Variants in ATF2 observed in about 807,000 individuals in gnomAD.
ATF2 encodes activating transcription factor 2.
Under a neutral mutation model 60.6 loss-of-function variants are expected in ATF2, and 24 were observed. The ratio of observed to expected loss-of-function variants is 0.40; its 90% CI spans 0.29 to 0.56. ATF2 has a LOEUF of 0.56. Ranked by LOEUF, ATF2 falls within the 20% of genes least tolerant of loss-of-function variation. The pLI is 0.54. For synonymous variants in ATF2, 206 were observed against 215.4 expected, an observed-to-expected ratio of 0.96 and a Z score of 0.38; for missense variants, 433 against 607.7, an observed-to-expected ratio of 0.71 and a Z score of 3.02.
At chr2:175,100,267 A>T (rs189785958) in intron 10 of ATF2, among the ~76,000 whole-genome samples, 9 of 152,360 alleles carry the variant, frequency 5.9e-5, no homozygotes, top group Admixed American at 1.3e-4. Flanking sequence ...ATGTAAAACT[A>T]TCTGACTCGT....
At chr2:175,113,687 T>C (rs1469854884) in intron 9 of ATF2, among the ~76,000 whole-genome samples, 2 of 152,086 alleles carry the variant, frequency 1.3e-5, no homozygotes, top group African/African-American at 4.8e-5. Flanking sequence ...ACAAGTATTC[T>C]AGTACAAATA....
chr2:175,090,549 A>G (rs1694477717), intron 12 of ATF2, among the ~76,000 whole-genome samples: 1 of 152,096 alleles, frequency 6.6e-6, no homozygotes. Context: ...TTGATAATAT[A>G]TCATTTTGGA....
intron 2 of ATF2, among the ~76,000 whole-genome samples, chr2:175,140,999 GAAAAAAAAA>G (rs869208203): frequency 0.1 from 2,790 of 26,778 alleles, 130 homozygotes; most frequent in Middle Eastern, 0.3. Flanking sequence ...CCTATCTCAG[GAAAAAAAAA>G]AAAAAAAAAA....
At chr2:175,155,158 C>G (rs914682049) in intron 1 of ATF2, among the ~76,000 whole-genome samples, 2 of 152,168 alleles carry the variant, frequency 1.3e-5, no homozygotes, top group Non-Finnish European at 2.9e-5. Flanking sequence ...TCTTCATCTT[C>G]CCTTTGTTTG....
chr2:175,121,269 T>C (rs571586606), intron 5 of ATF2, among the ~76,000 whole-genome samples, 175 bp downstream of exon 5: 4 of 151,790 alleles, frequency 2.6e-5, no homozygotes, highest in African/African-American at 4.8e-5. Flanking sequence ...AAAAATGAAA[T>C]GAATAGTCAG....
intron 5 of ATF2, among the ~76,000 whole-genome samples, chr2:175,120,476 A>G (rs1696879963): frequency 6.6e-6 from 1 of 151,706 alleles, no homozygotes; most frequent in South Asian, 2.1e-4. Context: ...TACTGTAAGT[A>G]GAGGGAAAAC....
intron 12 of ATF2, among the ~76,000 whole-genome samples, chr2:175,083,272 C>G (rs947885010): frequency 1.4e-4 from 21 of 152,084 alleles, no homozygotes; most frequent in Non-Finnish European, 5.9e-5. Flanking sequence ...GTAACCAAAA[C>G]AGCATGGTAC....
At chr2:175,114,361 G>C in intron 8 of ATF2, 1 of 1,257,250 alleles carries the variant, frequency 8.0e-7, no homozygotes, top group African/African-American at 1.5e-5. Context: ...GAGAAAAACT[G>C]TCATCAGAGA....
chr2:175,137,283 T>C (rs375124557), intron 2 of ATF2, among the ~76,000 whole-genome samples: 223 of 152,280 alleles, frequency 1.5e-3, no homozygotes, highest in African/African-American at 5.3e-3. Context: ...CCTTGTCCCA[T>C]GCAAAATTTT....
At chr2:175,105,655 A>G (rs1458967238) in intron 10 of ATF2, among the ~76,000 whole-genome samples, 1 of 152,208 alleles carries the variant, frequency 6.6e-6, no homozygotes, top group Admixed American at 6.5e-5. Flanking sequence ...TATCCAGTAC[A>G]CTGACATTTT....
At chr2:175,133,099 A>T (rs6756167) in intron 3 of ATF2, among the ~76,000 whole-genome samples, 45,248 of 151,606 alleles carry the variant, frequency 0.3, 7,232 homozygotes, top group African/African-American at 0.42. Context: ...AAAAAAAAAA[A>T]AAATAAATAA....
In ATF2 at chr2:175,073,599, A is replaced by G. The variant is rs1476535048; in HGVS notation, c.*1010T>C. On this transcript the variant is annotated 3_prime_UTR_variant, in exon 14 of 14. Transcript: ENST00000264110. ...AGAAACATTATCAAAATTTGCTACT[A>G]AAAGATGACAGTGCTTTCACAAGAA... 1.3e-5 allele frequency: 2 copies of G among 152,130 alleles called. No homozygotes were observed. The highest frequency in any genetic ancestry group is 4.8e-5 in the African/African-American group (2 of 41,428). 9.4% of individuals were successfully genotyped at this position (152,130 alleles called of 1,614,324 possible). A position where few individuals can be genotyped will look rare whatever the true frequency, so the allele number is the denominator to read the frequency against.
At chr2:175,104,321 T>C (rs562147648) in intron 10 of ATF2, among the ~76,000 whole-genome samples, 1 of 152,284 alleles carries the variant, frequency 6.6e-6, no homozygotes, top group East Asian at 1.9e-4. Flanking sequence ...CAGATTGTGA[T>C]CATAAAGGTC....
intron 1 of ATF2, among the ~76,000 whole-genome samples, chr2:175,157,730 C>A (rs1699772236): frequency 6.6e-6 from 1 of 152,222 alleles, no homozygotes; most frequent in Non-Finnish European, 1.5e-5. Context: ...CACAGTGGCT[C>A]ATGCCTGTAA....
At chr2:175,153,729 C>A (rs1699465982) in intron 1 of ATF2, among the ~76,000 whole-genome samples, 1 of 150,610 alleles carries the variant, frequency 6.6e-6, no homozygotes, top group Non-Finnish European at 1.5e-5. Context: ...ACTTGGGAGG[C>A]TGAGGCAGAG....
chr2:175,131,932 AC>A (rs1359599037), intron 3 of ATF2, among the ~76,000 whole-genome samples: 6 of 152,228 alleles, frequency 3.9e-5, no homozygotes, highest in African/African-American at 1.4e-4. Context: ...GCATGTTAAC[AC>A]ATATTTTTTA....
intron 5 of ATF2, among the ~76,000 whole-genome samples, chr2:175,120,156 CACAG>C (rs1696854634): frequency 2.6e-5 from 4 of 151,686 alleles, no homozygotes; most frequent in Admixed American, 2.6e-4. Context: ...AAGAGTTACA[CACAG>C]ACAGAGATTG....
chr2:175,103,570 G>C (rs933990462), intron 10 of ATF2, among the ~76,000 whole-genome samples: 2 of 151,266 alleles, frequency 1.3e-5, no homozygotes, highest in African/African-American at 4.9e-5. Flanking sequence ...GTAGGTTTCT[G>C]AACATTTGCC....
At chr2:175,113,882 TA>T in intron 9 of ATF2, 111 bp downstream of exon 9, 1 of 895,126 alleles carries the variant, frequency 1.1e-6, no homozygotes, top group Non-Finnish European at 1.8e-6. Flanking sequence ...TATCAACTGC[TA>T]ATCAATATTA....
Sources: allele counts gnomAD v4.1 joint callset (sites outside exome capture counted in the v4.1 genomes callset), GRCh38; gene constraint gnomAD v4.1.1; transcripts MANE v1.5; gene names NCBI Gene and HGNC (gene_info 2026-07-23, HGNC 2026-07-21).